Variants in SLC7A1 observed in about 807,000 individuals in gnomAD.
The protein encoded by SLC7A1 is solute carrier family 7 member 1.
In SLC7A1, 10 loss-of-function variants were observed where a neutral mutation model predicts 53.9. The observed-to-expected ratio is 0.19, with a 90% confidence interval of 0.11 to 0.31. The LOEUF (loss-of-function observed/expected upper bound fraction) is 0.31. Among genes scored for constraint, SLC7A1 ranks in the 10% least tolerant of loss-of-function variants. SLC7A1 has a pLI of 1.00. For missense variants in SLC7A1, 525 were observed against 827.2 expected (o/e 0.63, Z 4.48); for synonymous variants, 342 against 338.7 (o/e 1.01, Z -0.11).
At position 29,523,473 on chromosome 13, in the gene SLC7A1, T is replaced by G. The variant is rs751293185; in HGVS notation, c.842A>C (p.Asn281Thr). The change falls in exon 7 of 13, where the codon AAC becomes ACC. Residue 281 changes from asparagine (N) to threonine (T), a missense_variant. Asn to Thr is a moderately conservative substitution (Grantham distance 65, BLOSUM62 0). This residue lies in a region of SLC7A1 where 354 missense variants were observed against 587.5 expected (regional missense o/e 0.60). Coordinates refer to ENST00000380752, the MANE Select transcript of SLC7A1 (RefSeq NM_003045.5). Reference protein sequence around the residue: ...CIATTGEEVKNPQKAIPVGIV... With the variant: ...CIATTGEEVKTPQKAIPVGIV... ...CCCCACGGGGATGGCCTTCTGTGGG[T>G]TCTTCACCTCTTCACCTAGAAGCAC... The G allele has an allele frequency of 1.5e-5, 25 of 1,613,428 alleles. No homozygotes were observed. The highest frequency in any genetic ancestry group is 4.2e-6 in the Non-Finnish European group (5 of 1,179,710).
intron 3 of SLC7A1, among the ~76,000 whole-genome samples, chr13:29,535,538 A>T (rs1869369512): frequency 6.6e-6 from 1 of 152,168 alleles, no homozygotes; most frequent in African/African-American, 2.4e-5. Flanking sequence ...TGAATGAGAG[A>T]ATTAGTTTCT....
chr13:29,589,033 T>C (rs1347550193), intron 1 of SLC7A1, among the ~76,000 whole-genome samples: 2 of 152,074 alleles, frequency 1.3e-5, no homozygotes, highest in Admixed American at 1.3e-4. Flanking sequence ...GTGGAAAAGC[T>C]GCGGGCCAGG....
intron 1 of SLC7A1, among the ~76,000 whole-genome samples, chr13:29,589,974 G>A (rs9579413): frequency 0.042 from 6,394 of 152,230 alleles, 179 homozygotes; most frequent in Middle Eastern, 0.17. Context: ...ATAAGTGCTT[G>A]CAATGATTGA....
At chr13:29,527,772 T>A (rs3783262) in intron 5 of SLC7A1, among the ~76,000 whole-genome samples, 37,997 of 152,204 alleles carry the variant, frequency 0.25, 5,919 homozygotes, top group East Asian at 0.61. Flanking sequence ...AGTGGTGAAC[T>A]TCCTGCAGCA....
intron 1 of SLC7A1, among the ~76,000 whole-genome samples, chr13:29,571,658 T>G (rs1397467300): frequency 6.6e-6 from 1 of 152,234 alleles, no homozygotes. Context: ...CTTTACCTAT[T>G]CCACCAGAGG....
intron 1 of SLC7A1, among the ~76,000 whole-genome samples, chr13:29,554,208 G>T (rs368563993): frequency 6.6e-5 from 10 of 152,276 alleles, no homozygotes; most frequent in African/African-American, 2.4e-4. Context: ...AAGCTCTGAG[G>T]CCCCGGTCAG....
intron 1 of SLC7A1, among the ~76,000 whole-genome samples, chr13:29,579,856 T>C (rs1197074676): frequency 1.3e-5 from 2 of 152,328 alleles, no homozygotes; most frequent in East Asian, 3.9e-4. Context: ...GTCGAACCGG[T>C]GCCCTGCTCC....
At chr13:29,560,460 C>T (rs1482054726) in intron 1 of SLC7A1, among the ~76,000 whole-genome samples, 1 of 149,872 alleles carries the variant, frequency 6.7e-6, no homozygotes, top group Non-Finnish European at 1.5e-5. Context: ...TATATACATA[C>T]ATATATTACA....
At chr13:29,554,299 G>A (rs1038103982) in intron 1 of SLC7A1, among the ~76,000 whole-genome samples, 1 of 152,210 alleles carries the variant, frequency 6.6e-6, no homozygotes, top group East Asian at 1.9e-4. Context: ...CTTAGCTGGT[G>A]TCTTCTGAAA....
chr13:29,524,017 C>T (rs1868761359), intron 6 of SLC7A1, 115 bp downstream of exon 6: 1 of 986,654 alleles, frequency 1.0e-6, no homozygotes, highest in Non-Finnish European at 1.5e-6. Flanking sequence ...CTACATGTTG[C>T]TCATGTGTGA....
chr13:29,530,506 A>G, intron 5 of SLC7A1, 32 bp downstream of exon 5: 2 of 1,605,524 alleles, frequency 1.2e-6, no homozygotes, highest in Non-Finnish European at 1.7e-6. Flanking sequence ...TTAAATGTCA[A>G]CTAAGAAAAA....
intron 6 of SLC7A1, among the ~76,000 whole-genome samples, 195 bp from the exon 7 acceptor site, chr13:29,523,683 C>G (rs1331901199): frequency 6.6e-6 from 1 of 152,238 alleles, no homozygotes; most frequent in African/African-American, 2.4e-5. Flanking sequence ...GAAGACACAT[C>G]AGACAGCCCA....
chr13:29,526,979 G>A (rs777330017), intron 5 of SLC7A1, among the ~76,000 whole-genome samples: 1 of 151,754 alleles, frequency 6.6e-6, no homozygotes, highest in Non-Finnish European at 1.5e-5. Context: ...GTACTGCGCC[G>A]CTACACCTGA....
Position 29,524,262 on chromosome 13 carries a change from A to C in SLC7A1, c.705-9T>G, listed in dbSNP as rs528461994. 3.7e-6 allele frequency: 6 copies of C among 1,614,072 alleles called. No individual in the cohort carries two copies. The South Asian group carries it at 5.5e-5, about 15-fold the overall frequency. On this transcript the variant is annotated splice_polypyrimidine_tract_variant and intron_variant, in intron 5 of 12. Transcript: ENST00000380752. The stretch of plus-strand genomic sequence containing the variant: ...TCCCTTCTTTTGTGTCACTAGAAAA[A>C]AGAGCCGCAAACAAATGTCACGTCA...
chr13:29,587,731 G>A (rs1249553177), intron 1 of SLC7A1, among the ~76,000 whole-genome samples: 4 of 152,190 alleles, frequency 2.6e-5, no homozygotes, highest in Non-Finnish European at 4.4e-5. Flanking sequence ...GCACCACAAA[G>A]GCACCACCAA....
At chr13:29,580,440 A>G (rs886684570) in intron 1 of SLC7A1, among the ~76,000 whole-genome samples, 9 of 152,020 alleles carry the variant, frequency 5.9e-5, no homozygotes, top group African/African-American at 2.2e-4. Flanking sequence ...TTTGAGATCT[A>G]TTCCATGTTA....
chr13:29,539,241 T>A (rs4769759), intron 2 of SLC7A1, among the ~76,000 whole-genome samples: 74,354 of 152,050 alleles, frequency 0.49, 20,596 homozygotes, highest in Non-Finnish European at 0.64. Context: ...ACCAAACAGA[T>A]TCTTGGCAAG....
At chr13:29,585,526 T>C (rs534568304) in intron 1 of SLC7A1, among the ~76,000 whole-genome samples, 35 of 152,276 alleles carry the variant, frequency 2.3e-4, no homozygotes, top group Non-Finnish European at 4.4e-4. Flanking sequence ...GATTACAATG[T>C]AAATTTAGTT....
chr13:29,514,753 G>A (rs938104424), intron 12 of SLC7A1, among the ~76,000 whole-genome samples, 170 bp from the exon 13 acceptor site: 6 of 152,212 alleles, frequency 3.9e-5, no homozygotes, highest in Non-Finnish European at 1.5e-5. Context: ...TGGAGCAGCT[G>A]CCACACGAAG....
Sources: allele counts gnomAD v4.1 joint callset (sites outside exome capture counted in the v4.1 genomes callset), GRCh38; gene constraint gnomAD v4.1.1; regional missense constraint gnomAD v4.1.1; transcripts MANE v1.5; gene names NCBI Gene and HGNC (gene_info 2026-07-23, HGNC 2026-07-21).